MELK: variants seen among roughly 807,000 people sequenced by gnomAD.
MELK encodes the protein maternal embryonic leucine zipper kinase, also known as pEg3 kinase.
A neutral mutation model predicts 85.0 loss-of-function variants in MELK; 81 were observed. The ratio of observed to expected loss-of-function variants is 0.95; its 90% CI spans 0.80 to 1.15. The LOEUF is 1.15. MELK is among the 50% of genes most tolerant of loss of function. MELK has a pLI of 0.00. For synonymous variants in MELK, 252 were observed against 265.0 expected (o/e 0.95, Z 0.48); for missense variants, 754 against 777.5 (o/e 0.97, Z 0.36).
At chr9:36,582,427 C>A (rs1275535876) in intron 2 of MELK, among the ~76,000 whole-genome samples, 2 of 152,024 alleles carry the variant, frequency 1.3e-5, no homozygotes, top group Non-Finnish European at 2.9e-5. Flanking sequence ...TGTTAGCAGA[C>A]TATTGCGATA....
At chr9:36,636,782 T>TTCTG (rs1554728995) in intron 10 of MELK, among the ~76,000 whole-genome samples, 6,819 of 107,356 alleles carry the variant, frequency 0.064, 348 homozygotes, top group Non-Finnish European at 0.075. Context: ...CTTTCTTTCT[T>TTCTG]TCTGTCTGTC....
Position 36,594,768 on chromosome 9 carries a change from G to A in MELK, c.402G>A (p.Lys134=), listed in dbSNP as rs1824005794. ...HSQGYAHRDL[K]PENLLFDEYH... The stretch of plus-strand genomic sequence containing the variant: ...AGGGCTATGCTCACAGGGACCTCAA[G>A]CCAGTAAGTGACTGCATCACAGTTA... Residue 134 remains lysine (K), a synonymous_variant, in exon 5 of 18, where the codon AAG becomes AAA. Coordinates refer to ENST00000298048, the MANE Select transcript of MELK (RefSeq NM_014791.4). 6.2e-7 allele frequency: 1 copy of A among 1,612,614 alleles called. No individual in the cohort carries two copies. Among genetic ancestry groups the A allele is most frequent in the Non-Finnish European group, 8.5e-7 (1 of 1,179,518 alleles).
intron 1 of MELK, among the ~76,000 whole-genome samples, chr9:36,576,733 T>C (rs1415882309): frequency 1.3e-5 from 2 of 152,114 alleles, no homozygotes; most frequent in African/African-American, 4.8e-5. Context: ...GGTTTCTGCA[T>C]GTTGGTCAGG....
Position 36,597,295 on chromosome 9 carries a change from G to A in MELK, c.474+5G>A. On this transcript the variant is annotated splice_donor_5th_base_variant and intron_variant, in intron 6 of 17. Transcript: ENST00000298048. ...GGTCTCTGTGCAAAACCCAAGGTAA[G>A]TGCAGAAATAAGATGCATCTATGTT... 1 of 1,609,802 alleles carries A rather than the reference G, an allele frequency of 6.2e-7. No homozygotes were observed. The highest frequency in any genetic ancestry group is 8.5e-7 in the Non-Finnish European group (1 of 1,176,322).
chr9:36,613,229 C>T (rs966469665), intron 8 of MELK, among the ~76,000 whole-genome samples: 5 of 152,232 alleles, frequency 3.3e-5, no homozygotes, highest in African/African-American at 9.6e-5. Context: ...GCTTTGTTCC[C>T]TCCCTTCTTT....
intron 10 of MELK, among the ~76,000 whole-genome samples, chr9:36,641,732 T>C (rs1279982754): frequency 6.6e-6 from 1 of 151,116 alleles, no homozygotes; most frequent in Non-Finnish European, 1.5e-5. Context: ...CTCAGCCTCC[T>C]GAGTAGCTGG....
intron 7 of MELK, among the ~76,000 whole-genome samples, chr9:36,600,508 C>T (rs903697269): frequency 2.0e-5 from 3 of 152,148 alleles, no homozygotes; most frequent in Non-Finnish European, 2.9e-5. Context: ...CTCAGCCTCC[C>T]GAGTAGCTGG....
chr9:36,665,468 C>T lies in MELK; in HGVS notation c.1295C>T (p.Ala432Val). 6.2e-7 allele frequency: 1 copy of T among 1,613,146 alleles called. No individual in the cohort carries two copies. Among genetic ancestry groups the T allele is most frequent in the South Asian group, 1.1e-5 (1 of 91,050 alleles). Residue 432 changes from alanine to valine, a missense_variant, in exon 14 of 18, where the codon GCT (alanine) becomes GTT (valine). Transcript: ENST00000298048. ...GAAAATGTATATACTCCTAAGTCTG[C>T]TGTAAAGAATGAAGAGTACTTTATG... ...NKENVYTPKS[A>V]VKNEEYFMFP...
chr9:36,635,288 A>T (rs111916244), intron 10 of MELK, among the ~76,000 whole-genome samples: 4,389 of 150,698 alleles, frequency 0.029, 218 homozygotes, highest in African/African-American at 0.1. Context: ...TTTGAGTGGG[A>T]ATCTCGCTAT....
At chr9:36,605,300 C>T (rs1349886418) in intron 7 of MELK, among the ~76,000 whole-genome samples, 4 of 152,100 alleles carry the variant, frequency 2.6e-5, no homozygotes, top group African/African-American at 9.7e-5. Flanking sequence ...CCTCTACCTC[C>T]CGGGTTCAAG....
chr9:36,630,824 T>G (rs1343297557), intron 9 of MELK, among the ~76,000 whole-genome samples: 1 of 152,036 alleles, frequency 6.6e-6, no homozygotes, highest in Non-Finnish European at 1.5e-5. Context: ...TGGCTAATTT[T>G]TGTATTTTTA....
intron 7 of MELK, among the ~76,000 whole-genome samples, chr9:36,603,641 T>C (rs1392842696): frequency 6.6e-6 from 1 of 152,082 alleles, no homozygotes; most frequent in Non-Finnish European, 1.5e-5. Context: ...GCTATGTTTC[T>C]GGGGCTGGTC....
chr9:36,600,008 T>TA (rs978945159), intron 7 of MELK, among the ~76,000 whole-genome samples: 5 of 152,090 alleles, frequency 3.3e-5, no homozygotes, highest in East Asian at 1.9e-4. Context: ...GTCATAAGAT[T>TA]AAAAAAACAC....
chr9:36,581,159 C>A (rs1038870211), intron 1 of MELK, among the ~76,000 whole-genome samples: 9 of 151,788 alleles, frequency 5.9e-5, no homozygotes, highest in Non-Finnish European at 8.8e-5. Context: ...TTATGGTTTT[C>A]TTTTTTTGAT....
chr9:36,615,515 G>C (rs1427113972), intron 8 of MELK, among the ~76,000 whole-genome samples: 6 of 136,002 alleles, frequency 4.4e-5, no homozygotes, highest in African/African-American at 1.2e-4. Flanking sequence ...CCTCCCTCCC[G>C]GACGGGGTGG....
At chr9:36,589,920 G>GCTTTTTT (rs1554715717) in intron 4 of MELK, among the ~76,000 whole-genome samples, 1 of 125,812 alleles carries the variant, frequency 7.9e-6, no homozygotes, top group African/African-American at 3.1e-5. Flanking sequence ...ACTCATTCTA[G>GCTTTTTT]TTTTTTTTTT....
At chr9:36,658,401 T>A (rs1051467040) in intron 13 of MELK, among the ~76,000 whole-genome samples, 1 of 152,170 alleles carries the variant, frequency 6.6e-6, no homozygotes, top group African/African-American at 2.4e-5. Context: ...TTTCTTCTGC[T>A]TACTGAAAGT....
Position 36,657,878 on chromosome 9 carries a change from C to T in MELK, c.1176+515C>T, listed in dbSNP as rs778932910. Among the ~76,000 whole-genome samples the T allele has an allele frequency of 3.9e-5, 6 of 152,266 alleles. No homozygotes were observed. In the East Asian group the frequency reaches 9.6e-4, roughly 24 times the overall value. On this transcript the variant is annotated intron_variant, in intron 13 of 17. Coordinates refer to ENST00000298048, the MANE Select transcript of MELK (RefSeq NM_014791.4). Reference sequence around the variant, plus strand: ...GATTACAGGCGTGAGCCACTGTGCCCGGCCTTCTTTTTTGTTTAAAATGAG... The same window carrying T: ...GATTACAGGCGTGAGCCACTGTGCCTGGCCTTCTTTTTTGTTTAAAATGAG...
At chr9:36,641,819 C>T (rs1305818530) in intron 10 of MELK, among the ~76,000 whole-genome samples, 1 of 152,062 alleles carries the variant, frequency 6.6e-6, no homozygotes, top group Non-Finnish European at 1.5e-5. Flanking sequence ...GTTGGTCAGG[C>T]TGGTCTCCAA....
Sources: allele counts gnomAD v4.1 joint callset (sites outside exome capture counted in the v4.1 genomes callset), GRCh38; gene constraint gnomAD v4.1.1; transcripts MANE v1.5; gene names NCBI Gene and HGNC (gene_info 2026-07-23, HGNC 2026-07-21).